Variants in FARSB observed in about 807,000 individuals in gnomAD.
FARSB encodes phenylalanyl-tRNA synthetase subunit beta, also known as phenylalanine--tRNA ligase beta subunit.
Under a neutral mutation model 69.6 loss-of-function variants are expected in FARSB, and 40 were observed. That is an observed-to-expected ratio of 0.57 (90% CI 0.45 to 0.75). The LOEUF is 0.75. FARSB is among the 30% of genes least tolerant of loss of function. The pLI is 0.00. For synonymous variants in FARSB, 235 were observed against 247.2 expected (o/e 0.95, Z 0.46); for missense variants, 632 against 722.9 (o/e 0.87, Z 1.44).
At chr2:222,638,979 G>A (rs183792806) in intron 5 of FARSB, among the ~76,000 whole-genome samples, 43 of 152,248 alleles carry the variant, frequency 2.8e-4, no homozygotes, top group Admixed American at 2.2e-3. Flanking sequence ...AAGGATTCCC[G>A]TTGTTACCTT....
rs139549523 is a variant in FARSB, at chr2:222,646,077, CA to C, written c.114+2662del. ...TTCATTTCACAGTCTAAAAAAATGC[CA>C]ATCTTACTAGGTGTTACTTTTGGCA... is the stretch of plus-strand genomic sequence containing the variant. On this transcript the variant is annotated intron_variant, in intron 2 of 16. Transcript: ENST00000281828. 7.2e-3 allele frequency among the ~76,000 whole-genome samples: 1,093 copies of C among 152,176 alleles called. 6 individuals carry two copies. The highest frequency in any genetic ancestry group is 0.013 in the Non-Finnish European group (915 of 67,990).
At chr2:222,596,560 T>A (rs1015659072) in intron 16 of FARSB, among the ~76,000 whole-genome samples, 7 of 152,136 alleles carry the variant, frequency 4.6e-5, no homozygotes, top group Non-Finnish European at 7.4e-5. Context: ...CAGAGTAATA[T>A]CAGACAACTC....
At position 222,570,614 on chromosome 2, in the gene FARSB, C is replaced by G. The variant is rs1348680143; in HGVS notation, c.*1257G>C. 2 of 152,050 alleles carry G rather than the reference C, an allele frequency of 1.3e-5. No individual in the cohort carries two copies. Among genetic ancestry groups the G allele is most frequent in the Non-Finnish European group, 2.9e-5 (2 of 68,006 alleles). 9.4% of individuals were successfully genotyped at this position (152,050 alleles called of 1,614,324 possible). A position where few individuals can be genotyped will look rare whatever the true frequency, so the allele number is the denominator to read the frequency against. On this transcript the variant is annotated 3_prime_UTR_variant, in exon 17 of 17. Transcript: ENST00000281828. The stretch of plus-strand genomic sequence containing the variant: ...TCTGGGATCACTGCAACGTCCACCT[C>G]CTGGTTCAAGAGATTTTCCTGACTC...
intron 5 of FARSB, among the ~76,000 whole-genome samples, chr2:222,638,761 CA>C (rs1391621571): frequency 6.6e-6 from 1 of 152,134 alleles, no homozygotes; most frequent in East Asian, 1.9e-4. Flanking sequence ...AGATCTCACA[CA>C]AAAAAATAAA....
intron 16 of FARSB, among the ~76,000 whole-genome samples, chr2:222,584,343 A>G (rs567641098): frequency 9.8e-5 from 15 of 152,344 alleles, no homozygotes; most frequent in Non-Finnish European, 1.9e-4. Flanking sequence ...ATTCCCCCCA[A>G]AAAAGTTTTA....
At chr2:222,644,506 T>C in intron 2 of FARSB, 1 of 454,294 alleles carries the variant, frequency 2.2e-6, no homozygotes, top group Non-Finnish European at 4.4e-6. Context: ...ATAAAATTAC[T>C]GTTTCAATAG....
In FARSB at chr2:222,642,873, C is replaced by T; in HGVS notation, c.247G>A (p.Gly83Arg). ...DLLCLEGLVRGLQVFKERIKA... is the reference protein window; with the variant it reads ...DLLCLEGLVRRLQVFKERIKA... ...TACCTTTCTTTGAAGACCTGAAGTC[C>T]TCGAACCAATCCTTCCAGACACAGG... Residue 83 changes from glycine to arginine, a missense_variant, in exon 3 of 17, where the codon GGA (glycine) becomes AGA (arginine). By Grantham distance (125) the Gly-to-Arg change is moderately radical. Transcript: ENST00000281828. 6.2e-7 allele frequency: 1 copy of T among 1,610,054 alleles called. No homozygotes were observed. Among genetic ancestry groups the T allele is most frequent in the Non-Finnish European group, 8.5e-7 (1 of 1,177,932 alleles).
chr2:222,603,704 GATAATA>G (rs997329099), intron 15 of FARSB, among the ~76,000 whole-genome samples: 5 of 145,910 alleles, frequency 3.4e-5, no homozygotes, highest in African/African-American at 1.2e-4. Flanking sequence ...ATATATATTA[GATAATA>G]ATAATAAATA....
At chr2:222,573,130 G>A (rs1022727676) in intron 16 of FARSB, among the ~76,000 whole-genome samples, 1 of 152,144 alleles carries the variant, frequency 6.6e-6, no homozygotes, top group Admixed American at 6.5e-5. Context: ...TTGGAGGGGA[G>A]GGGAACCGGC....
chr2:222,615,882 A>C (rs1437041606), intron 14 of FARSB, among the ~76,000 whole-genome samples: 1 of 152,258 alleles, frequency 6.6e-6, no homozygotes, highest in Non-Finnish European at 1.5e-5. Context: ...AACCATTCAC[A>C]AAAACAAAAC....
chr2:222,592,557 T>A (rs1377896660), intron 16 of FARSB, among the ~76,000 whole-genome samples: 2 of 151,684 alleles, frequency 1.3e-5, no homozygotes, highest in Admixed American at 6.6e-5. Context: ...ATCCTAAAAA[T>A]CCTTTGAACT....
At position 222,576,770 on chromosome 2, in the gene FARSB, G is replaced by A. The variant is rs139514111; in HGVS notation, c.1619-4748C>T. On this transcript the variant is annotated intron_variant, in intron 16 of 16. Coordinates refer to ENST00000281828, the MANE Select transcript of FARSB (RefSeq NM_005687.5). ...GAGACTGGAACCATAATTTCCTACA[G>A]AGGAGGAACTTCCTCCTGGTTTCCC... is the stretch of plus-strand genomic sequence containing the variant. 6.0e-4 allele frequency among the ~76,000 whole-genome samples: 92 copies of A among 152,286 alleles called. 1 individual carries two copies. The highest frequency in any genetic ancestry group is 1.9e-3 in the African/African-American group (81 of 41,556).
chr2:222,622,330 T>C (rs1193462854), intron 13 of FARSB, among the ~76,000 whole-genome samples: 1 of 152,116 alleles, frequency 6.6e-6, no homozygotes, highest in African/African-American at 2.4e-5. Flanking sequence ...AAGTAATAAG[T>C]AACTTTTTTC....
At position 222,571,874 on chromosome 2, in the gene FARSB, C is replaced by T; in HGVS notation, c.1767G>A (p.Leu589=). The T allele has an allele frequency of 1.9e-6, 3 of 1,611,778 alleles. No homozygotes were observed. Among genetic ancestry groups the T allele is most frequent in the Non-Finnish European group, 2.5e-6 (3 of 1,178,896 alleles). The part of the protein sequence containing the change: ...SSLEINVGPF[L] ...ATCACACCACAGAGACCAATCTTCA[C>T]AAAAAGGGTCCAACATTGATTTCTA... The change falls in exon 17 of 17, where the codon TTG becomes TTA. Residue 589 remains leucine (L), a synonymous_variant. Transcript: ENST00000281828.
At position 222,642,948 on chromosome 2, in the gene FARSB, AG is replaced by A; in HGVS notation, c.171del (p.Ser58LeufsTer34). The A allele has an allele frequency of 6.2e-7, 1 of 1,611,612 alleles. No individual in the cohort carries two copies. The highest frequency in any genetic ancestry group is 8.5e-7 in the Non-Finnish European group (1 of 1,177,832). On this transcript the variant is annotated frameshift_variant, in exon 3 of 17. Coordinates refer to ENST00000281828, the MANE Select transcript of FARSB (RefSeq NM_005687.5). LOFTEE classifies it high-confidence loss of function. ...TCAATTTTGTAAAGAACAACATCAG[AG>A]GCTCCTGCTGCCTTTACATTACCTT... ...KEQGNVKAAG[A>X]SDVVLYKIDV...
At chr2:222,603,891 T>C (rs1041335664) in intron 15 of FARSB, among the ~76,000 whole-genome samples, 11 of 151,938 alleles carry the variant, frequency 7.2e-5, no homozygotes, top group African/African-American at 2.4e-4. Context: ...AGCTTATGTA[T>C]GGCTATATAT....
In FARSB at chr2:222,624,449, C is replaced by A; in HGVS notation, c.993G>T (p.Leu331=). The change falls in exon 12 of 17, where the codon CTG becomes CTT. Residue 331 remains leucine, a synonymous_variant. Coordinates refer to ENST00000281828, the MANE Select transcript of FARSB (RefSeq NM_005687.5). ...RETPENLAKL[L]TRMYLKSEVI... ...CTTCTGATTTTAAATACATCCTGGT[C>A]AGAAGTTTGGCAAGATTTTCTGGAG... 6.2e-7 allele frequency: 1 copy of A among 1,613,254 alleles called. No individual in the cohort carries two copies. Among genetic ancestry groups the A allele is most frequent in the Non-Finnish European group, 8.5e-7 (1 of 1,179,328 alleles).
rs148865650 is a variant in FARSB at position 222,582,397 on chromosome 2, C to A, written c.1619-10375G>T. 4.9e-3 allele frequency among the ~76,000 whole-genome samples: 749 copies of A among 152,222 alleles called. 19 individuals carry two copies. Among genetic ancestry groups the A allele is most frequent in the South Asian group, 8.3e-4 (4 of 4,814 alleles). On this transcript the variant is annotated intron_variant, in intron 16 of 16. Transcript: ENST00000281828. ...GAACACACACACACAGGTGTGTGCA[C>A]ACATACATCAGAAGGATAAACTGAA...
chr2:222,592,441 C>T (rs1690299159), intron 16 of FARSB, among the ~76,000 whole-genome samples: 1 of 152,022 alleles, frequency 6.6e-6, no homozygotes, highest in African/African-American at 2.4e-5. Flanking sequence ...CACAAATGTG[C>T]CAAAACCGAG....
Sources: gnomAD v4.1 joint callset for allele counts (sites outside exome capture counted in the v4.1 genomes callset) on GRCh38, gnomAD v4.1.1 for gene constraint, MANE v1.5 for transcripts, NCBI Gene and HGNC (gene_info 2026-07-23, HGNC 2026-07-21) for gene names.